The following PCDHGA8 variants were observed in gnomAD, a reference collection of about 807,000 sequenced individuals.
The protein encoded by PCDHGA8 is protocadherin gamma subfamily A, 8.
Under a neutral mutation model 59.2 loss-of-function variants are expected in PCDHGA8, and 45 were observed. The ratio of observed to expected loss-of-function variants is 0.76; its 90% CI spans 0.60 to 0.98. PCDHGA8 has a LOEUF of 0.98. Among genes scored for constraint, PCDHGA8 ranks in the 50% least tolerant of loss-of-function variants. The pLI, the probability that PCDHGA8 is intolerant of heterozygous loss-of-function variation, is 0.00. For synonymous variants in PCDHGA8, 531 were observed against 519.0 expected (o/e 1.02, Z -0.32); for missense variants, 1,257 against 1,196.2 (o/e 1.05, Z -0.75).
chr5:141,491,659 G>A lies in PCDHGA8; in HGVS notation c.2425-3148G>A. On this transcript the variant is annotated intron_variant, in intron 1 of 3. Transcript: ENST00000398604. This position sits in a 1 kb window ranked among gnomAD's most constrained non-coding sequence, Gnocchi z 6.9. ...CACAGCTCTGGCGCTGGAGCCTGACGCCATCCGGTCCCGCTCTAATACGCT... is the reference window on the plus strand; with the variant it reads ...CACAGCTCTGGCGCTGGAGCCTGACACCATCCGGTCCCGCTCTAATACGCT... 6.2e-7 allele frequency: 1 copy of A among 1,613,766 alleles called. No homozygotes were observed. The highest frequency in any genetic ancestry group is 8.5e-7 in the Non-Finnish European group (1 of 1,180,004).
intron 1 of PCDHGA8, chr5:141,399,651 G>A (rs1561671286): frequency 1.2e-6 from 2 of 1,613,738 alleles, no homozygotes; most frequent in Non-Finnish European, 1.7e-6. Flanking sequence ...CGCAAAGTGG[G>A]GTGGTGTTCG....
At chr5:141,467,097 G>A (rs912875702) in intron 1 of PCDHGA8, among the ~76,000 whole-genome samples, 1 of 150,152 alleles carries the variant, frequency 6.7e-6, no homozygotes, top group Non-Finnish European at 1.5e-5. Context: ...CTGTCACACA[G>A]GCTGGAGTAC....
intron 1 of PCDHGA8, among the ~76,000 whole-genome samples, chr5:141,426,065 G>C (rs1214623774): frequency 1.3e-5 from 2 of 152,184 alleles, no homozygotes; most frequent in East Asian, 3.8e-4. Flanking sequence ...GCAAGAACTG[G>C]AGCCTGGGAT....
intron 2 of PCDHGA8, among the ~76,000 whole-genome samples, chr5:141,503,855 TA>T (rs2099832899): frequency 1.3e-5 from 2 of 152,136 alleles, no homozygotes; most frequent in Non-Finnish European, 2.9e-5. Context: ...GGAAAAATTG[TA>T]AAGCAGTTCT....
At chr5:141,399,670 GCCTTTGACTACGAGCAGCTGCGCA>G (rs758329241) in intron 1 of PCDHGA8, 2 of 1,613,610 alleles carry the variant, frequency 1.2e-6, no homozygotes, top group East Asian at 4.5e-5. Context: ...CGCGCAGCGC[GCCTTTGACTACGAGCAGCTGCGCA>G]CCTTCGAACT....
chr5:141,395,643 T>A (rs2150633577), intron 1 of PCDHGA8: 1 of 171,018 alleles, frequency 5.8e-6, no homozygotes, highest in East Asian at 1.7e-4. Flanking sequence ...GCCTTGTTAT[T>A]AGCTTAGCAA....
rs1334579066 is a variant in PCDHGA8, at chr5:141,393,663, AT to A, written c.852del (p.Asn285MetfsTer19). The stretch of plus-strand genomic sequence containing the variant: ...AAAAGTGGCATACAAATTCCGGAAA[AT>A]TAATGAAAAACAAACTCCGTTATTC... ...NGKVAYKFRK[I>X]NEKQTPLFQL... is the part of the protein sequence containing the mutation. On this transcript the variant is annotated frameshift_variant, in exon 1 of 4. Coordinates refer to ENST00000398604, the MANE Select transcript of PCDHGA8 (RefSeq NM_032088.2). LOFTEE classifies it high-confidence loss of function. The A allele has an allele frequency of 6.2e-7, 1 of 1,613,820 alleles. No homozygotes were observed. The highest frequency in any genetic ancestry group is 2.2e-5 in the East Asian group (1 of 44,908).
At chr5:141,413,520 A>G in intron 1 of PCDHGA8, 1 of 1,613,986 alleles carries the variant, frequency 6.2e-7, no homozygotes, top group Non-Finnish European at 8.5e-7. Flanking sequence ...TCCTTGTGGA[A>G]GACAGGGTGA....
chr5:141,445,889 C>A (rs920382027), intron 1 of PCDHGA8, among the ~76,000 whole-genome samples: 6 of 152,110 alleles, frequency 3.9e-5, no homozygotes, highest in African/African-American at 1.4e-4. Context: ...TACTTAGGAG[C>A]TATTAAAATA....
At chr5:141,464,400 G>GAGATATATATATATCTATATATAT (rs2099082782) in intron 1 of PCDHGA8, among the ~76,000 whole-genome samples, 3 of 151,366 alleles carry the variant, frequency 2.0e-5, no homozygotes, top group African/African-American at 4.9e-5. Context: ...TGAAGAACCT[G>GAGATATATATATATCTATATATAT]AGATATATAT....
chr5:141,493,179 T>C lies in PCDHGA8; in HGVS notation c.2425-1628T>C, dbSNP rs1208502829. 6.6e-6 allele frequency among the ~76,000 whole-genome samples: 1 copy of C among 152,230 alleles called. No homozygotes were observed. Among genetic ancestry groups the C allele is most frequent in the Non-Finnish European group, 1.5e-5 (1 of 68,040 alleles). On this transcript the variant is annotated intron_variant, in intron 1 of 3. Coordinates refer to ENST00000398604, the MANE Select transcript of PCDHGA8 (RefSeq NM_032088.2). This position sits in a 1 kb window ranked among gnomAD's most constrained non-coding sequence, Gnocchi z 4.3. ...TGATAGCTGATTGAGAGAAACTTAC[T>C]ATATAACTCCTTTGAGAACCTCATC...
intron 1 of PCDHGA8, chr5:141,423,757 G>T (rs562479446): frequency 7.3e-5 from 29 of 395,130 alleles, no homozygotes; most frequent in Non-Finnish European, 9.5e-5. Flanking sequence ...GTTTGGGGGG[G>T]GGGTGGGGCG....
chr5:141,457,111 G>A (rs922281700), intron 1 of PCDHGA8, among the ~76,000 whole-genome samples: 4 of 152,120 alleles, frequency 2.6e-5, no homozygotes, highest in South Asian at 2.1e-4. Flanking sequence ...AGCAAAATAC[G>A]ACAGCAATGG....
chr5:141,475,384 A>T (rs2099362853), intron 1 of PCDHGA8, among the ~76,000 whole-genome samples: 1 of 152,370 alleles, frequency 6.6e-6, no homozygotes, highest in East Asian at 1.9e-4. Flanking sequence ...TTTAAATTTT[A>T]TAAGCCAGAG....
At chr5:141,473,131 A>G (rs1262205483) in intron 1 of PCDHGA8, among the ~76,000 whole-genome samples, 2 of 152,214 alleles carry the variant, frequency 1.3e-5, no homozygotes, top group Admixed American at 6.5e-5. Context: ...TTGGCAAACT[A>G]TATTATCTCT....
chr5:141,454,625 C>G (rs1193628253), intron 1 of PCDHGA8, among the ~76,000 whole-genome samples: 1 of 151,512 alleles, frequency 6.6e-6, no homozygotes, highest in Admixed American at 6.6e-5. Context: ...AGGCTGGTCT[C>G]GAACCCCCAA....
chr5:141,421,379 AGGACCTGGGGCT>A, intron 1 of PCDHGA8: 1 of 1,614,054 alleles, frequency 6.2e-7, no homozygotes, highest in South Asian at 1.1e-5. Context: ...AATATCTCCA[AGGACCTGGGGCT>A]GGAGCCCCGG....
chr5:141,410,524 T>A, intron 1 of PCDHGA8: 1 of 1,613,954 alleles, frequency 6.2e-7, no homozygotes. Context: ...TGCCCCTACA[T>A]TCCAATGAAG....
chr5:141,403,362 G>A lies in PCDHGA8; in HGVS notation c.2424+8125G>A, dbSNP rs200979571. 157 of 1,613,944 alleles carry A rather than the reference G, an allele frequency of 9.7e-5. No homozygotes were observed. Among genetic ancestry groups the A allele is most frequent in the Admixed American group, 4.3e-4 (26 of 60,012 alleles). On this transcript the variant is annotated intron_variant, in intron 1 of 3. Transcript: ENST00000398604. ...AGCGCCCCAAAGTTCCAGGCCGAAA[G>A]TCTGGAAGTAAAAATTAACGAAATC... is the stretch of plus-strand genomic sequence containing the variant.
Sources: allele counts gnomAD v4.1 joint callset (sites outside exome capture counted in the v4.1 genomes callset), GRCh38; gene constraint gnomAD v4.1.1; non-coding constraint Gnocchi (gnomAD v3.1); transcripts MANE v1.5; gene names NCBI Gene and HGNC (gene_info 2026-07-23, HGNC 2026-07-21).